INPP4B: variants seen among roughly 807,000 people sequenced by gnomAD.
The protein encoded by INPP4B is inositol polyphosphate 4-phosphatase type II.
Under a neutral mutation model 122.5 loss-of-function variants are expected in INPP4B, and 55 were observed. The ratio of observed to expected loss-of-function variants is 0.45; its 90% CI spans 0.36 to 0.56. The LOEUF is 0.56. Among genes scored for constraint, INPP4B ranks in the 20% least tolerant of loss-of-function variants. INPP4B has a pLI of 0.00. For synonymous variants in INPP4B, 403 were observed against 388.7 expected (o/e 1.04, Z -0.43); for missense variants, 1,000 against 1,097.7 (o/e 0.91, Z 1.26).
intron 2 of INPP4B, among the ~76,000 whole-genome samples, chr4:142,681,795 T>G (rs1758656725): frequency 6.6e-6 from 1 of 151,862 alleles, no homozygotes; most frequent in African/African-American, 2.4e-5. Context: ...GCCTTGAAAT[T>G]TCTTAAAATT....
chr4:142,530,918 G>A (rs1211946511), intron 2 of INPP4B, among the ~76,000 whole-genome samples: 1 of 151,946 alleles, frequency 6.6e-6, no homozygotes, highest in African/African-American at 2.4e-5. Flanking sequence ...ATGACAATAA[G>A]GACATGGCCT....
chr4:142,182,111 A>G (rs1268664365), intron 15 of INPP4B, among the ~76,000 whole-genome samples: 1 of 152,128 alleles, frequency 6.6e-6, no homozygotes, highest in Non-Finnish European at 1.5e-5. Context: ...GAAGAACTTG[A>G]GACTAAGGAC....
chr4:142,203,372 T>C (rs1841474693), intron 14 of INPP4B, among the ~76,000 whole-genome samples: 1 of 152,094 alleles, frequency 6.6e-6, no homozygotes. Context: ...TAGCAAAATA[T>C]AATACTTTTC....
At chr4:142,836,964 G>A (rs1034794870) in intron 1 of INPP4B, among the ~76,000 whole-genome samples, 1 of 151,568 alleles carries the variant, frequency 6.6e-6, no homozygotes, top group Non-Finnish European at 1.5e-5. Flanking sequence ...TCAGGAGTTC[G>A]TAACCAGCCT....
chr4:142,641,975 T>C (rs952289707), intron 2 of INPP4B, among the ~76,000 whole-genome samples: 3 of 152,232 alleles, frequency 2.0e-5, no homozygotes, highest in Non-Finnish European at 4.4e-5. Context: ...TGGTGTGAGA[T>C]GATATCTCAC....
intron 7 of INPP4B, among the ~76,000 whole-genome samples, chr4:142,387,110 G>T (rs1796204179): frequency 2.6e-5 from 4 of 152,098 alleles, no homozygotes; most frequent in Admixed American, 2.6e-4. Flanking sequence ...TAATTAACTG[G>T]CTTAGATCCA....
chr4:142,732,014 C>A (rs992516739), intron 1 of INPP4B, among the ~76,000 whole-genome samples: 2 of 151,990 alleles, frequency 1.3e-5, no homozygotes, highest in African/African-American at 2.4e-5. Context: ...GCCCATTATC[C>A]CCATCATCAC....
At chr4:142,571,732 G>A (rs1732871182) in intron 2 of INPP4B, among the ~76,000 whole-genome samples, 1 of 152,106 alleles carries the variant, frequency 6.6e-6, no homozygotes, top group African/African-American at 2.4e-5. Flanking sequence ...GATATTTTGA[G>A]GGTTTTGGCA....
intron 9 of INPP4B, among the ~76,000 whole-genome samples, chr4:142,274,433 C>A (rs1332031651): frequency 6.6e-6 from 1 of 151,800 alleles, no homozygotes; most frequent in East Asian, 1.9e-4. Flanking sequence ...TAGGGCATCA[C>A]AGATTGATAT....
At chr4:142,122,500 GA>G in intron 20 of INPP4B, among the ~76,000 whole-genome samples, 1 of 148,448 alleles carries the variant, frequency 6.7e-6, no homozygotes, top group East Asian at 2.1e-4. Context: ...AGGCTGGAGA[GA>G]GTGTTTTAAC....
At chr4:142,274,488 C>A (rs1186003169) in intron 9 of INPP4B, among the ~76,000 whole-genome samples, 2 of 149,734 alleles carry the variant, frequency 1.3e-5, no homozygotes, top group Non-Finnish European at 3.0e-5. Context: ...CTCTTCCTCA[C>A]TCTACACCTT....
At chr4:142,255,006 T>G (rs1734912491) in intron 11 of INPP4B, among the ~76,000 whole-genome samples, 1 of 152,188 alleles carries the variant, frequency 6.6e-6, no homozygotes, top group African/African-American at 2.4e-5. Flanking sequence ...AGCGGCTCTC[T>G]CGGCAGAAAC....
At chr4:142,846,487 CCG>C (rs1291678025), upstream of INPP4B, among the ~76,000 whole-genome samples, 1 of 152,042 alleles carries the variant, frequency 6.6e-6, no homozygotes, top group East Asian at 2.0e-4. The surrounding 1 kb of genome is among the most constrained non-coding windows in gnomAD (Gnocchi z 5.1). Flanking sequence ...CCTACCAGCC[CCG>C]CGCGCGCCCC....
At chr4:142,488,575 A>G (rs1821469227) in intron 2 of INPP4B, among the ~76,000 whole-genome samples, 1 of 152,010 alleles carries the variant, frequency 6.6e-6, no homozygotes, top group Non-Finnish European at 1.5e-5. Flanking sequence ...AGGACTGCTC[A>G]TATATTTTGT....
intron 23 of INPP4B, among the ~76,000 whole-genome samples, chr4:142,107,070 CT>C (rs1306174682): frequency 6.6e-6 from 1 of 152,022 alleles, no homozygotes; most frequent in Non-Finnish European, 1.5e-5. Flanking sequence ...ACCAAAGAAT[CT>C]CCATGTACTT....
At chr4:142,838,627 A>G (rs1450114705) in intron 1 of INPP4B, among the ~76,000 whole-genome samples, 1 of 152,172 alleles carries the variant, frequency 6.6e-6, no homozygotes, top group Non-Finnish European at 1.5e-5. Context: ...TCCCTATATA[A>G]CTTGCAAGTA....
intron 2 of INPP4B, among the ~76,000 whole-genome samples, chr4:142,535,807 T>G (rs929092496): frequency 1.3e-5 from 2 of 152,190 alleles, no homozygotes; most frequent in African/African-American, 4.8e-5. Flanking sequence ...TCATCCAATC[T>G]TCAGTCTTCA....
chr4:142,097,286 C>T (rs1782362042), intron 23 of INPP4B, among the ~76,000 whole-genome samples: 1 of 84,154 alleles, frequency 1.2e-5, no homozygotes, highest in African/African-American at 4.1e-5. Context: ...CGGAGTTTCG[C>T]TCTTGTTGCC....
intron 2 of INPP4B, among the ~76,000 whole-genome samples, chr4:142,682,276 CCTCT>C (rs1177317707): frequency 1.3e-5 from 2 of 151,160 alleles, no homozygotes; most frequent in African/African-American, 4.9e-5. Flanking sequence ...CCTCTCTCTC[CCTCT>C]CTCTCTCTTT....
Sources: gnomAD v4.1 joint callset for allele counts (sites outside exome capture counted in the v4.1 genomes callset) on GRCh38, gnomAD v4.1.1 for gene constraint, Gnocchi (gnomAD v3.1) non-coding constraint, MANE v1.5 for transcripts, NCBI Gene and HGNC (gene_info 2026-07-23, HGNC 2026-07-21) for gene names.